ZSWIM6: variants seen among roughly 807,000 people sequenced by gnomAD.
The protein encoded by ZSWIM6 is zinc finger SWIM domain-containing protein 6.
A neutral mutation model predicts 113.2 loss-of-function variants in ZSWIM6; 9 were observed. The ratio of observed to expected loss-of-function variants is 0.08; its 90% CI spans 0.05 to 0.14. ZSWIM6 has a LOEUF of 0.14. Ranked by LOEUF, ZSWIM6 falls within the 10% of genes least tolerant of loss-of-function variation. The probability of loss-of-function intolerance (pLI) is 1.00; values close to 1 mark genes in which losing one functional copy is unlikely to be tolerated. For synonymous variants in ZSWIM6, 611 were observed against 606.5 expected (o/e 1.01, Z -0.11); for missense variants, 1,162 against 1,552.2 (o/e 0.75, Z 4.22).
chr5:61,384,247 C>CAAA (rs57899277), intron 1 of ZSWIM6, among the ~76,000 whole-genome samples: 3 of 77,470 alleles, frequency 3.9e-5, no homozygotes, highest in Non-Finnish European at 5.6e-5. Flanking sequence ...GACTCCGTCT[C>CAAA]AAAAAAAAAA....
intron 1 of ZSWIM6, among the ~76,000 whole-genome samples, chr5:61,444,518 G>A (rs551290854): frequency 2.6e-4 from 40 of 152,110 alleles, no homozygotes; most frequent in African/African-American, 9.2e-4. Flanking sequence ...CTGAGAAATC[G>A]CCACACTGAC....
chr5:61,404,983 T>C (rs749621905), intron 1 of ZSWIM6, among the ~76,000 whole-genome samples: 4 of 152,186 alleles, frequency 2.6e-5, no homozygotes, highest in Non-Finnish European at 5.9e-5. Flanking sequence ...TCCTAAGTTA[T>C]AGGAGTCAAT....
chr5:61,458,173 T>G (rs1747245385), intron 1 of ZSWIM6, among the ~76,000 whole-genome samples: 1 of 152,216 alleles, frequency 6.6e-6, no homozygotes, highest in Non-Finnish European at 1.5e-5. Context: ...CTAAATGACT[T>G]GAAATATACC....
intron 1 of ZSWIM6, among the ~76,000 whole-genome samples, chr5:61,405,504 A>T (rs998642209): frequency 2.0e-5 from 3 of 152,202 alleles, no homozygotes; most frequent in Admixed American, 2.0e-4. Context: ...TCCTCAGAGG[A>T]GGAAGAAATT....
chr5:61,377,019 G>T (rs1235679553), intron 1 of ZSWIM6, among the ~76,000 whole-genome samples: 4 of 104,000 alleles, frequency 3.8e-5, no homozygotes, highest in Non-Finnish European at 7.2e-5. Context: ...CTTAGTAAAT[G>T]TAATGTTTAA....
chr5:61,539,337 T>C (rs1489516678), intron 11 of ZSWIM6, among the ~76,000 whole-genome samples: 48 of 152,242 alleles, frequency 3.2e-4, no homozygotes, highest in Admixed American at 3.1e-3. Context: ...TCATATGTGC[T>C]TTGAGTCATT....
At chr5:61,524,635 CTCT>C (rs931562411) in intron 5 of ZSWIM6, among the ~76,000 whole-genome samples, 1 of 152,186 alleles carries the variant, frequency 6.6e-6, no homozygotes, top group African/African-American at 2.4e-5. Context: ...GTTCTCCAGT[CTCT>C]TCTTCTCAAT....
At chr5:61,478,475 AAAAT>A (rs1162805513) in intron 2 of ZSWIM6, among the ~76,000 whole-genome samples, 7 of 152,198 alleles carry the variant, frequency 4.6e-5, no homozygotes, top group Admixed American at 6.5e-5. Context: ...ATGAAGTTTT[AAAAT>A]AAATAATTCA....
chr5:61,445,100 A>G (rs1252884335), intron 1 of ZSWIM6, among the ~76,000 whole-genome samples: 1 of 152,308 alleles, frequency 6.6e-6, no homozygotes, highest in Non-Finnish European at 1.5e-5. Flanking sequence ...AAAATAGTTT[A>G]TGCAATACTC....
chr5:61,490,737 CAG>C, intron 2 of ZSWIM6, 47 bp from the exon 3 acceptor site: 1 of 1,520,996 alleles, frequency 6.6e-7, no homozygotes, highest in Non-Finnish European at 8.8e-7. Flanking sequence ...CCTTTTAGCA[CAG>C]AGTTTTTATC....
At position 61,332,454 on chromosome 5, in the gene ZSWIM6, C is replaced by A; in HGVS notation, c.182C>A (p.Ala61Glu). ...AAAAAACGGG[A>E]ALGLLPPGKT... is the part of the protein sequence containing the mutation. ...GCGGCGGCGGCGTGCGGGGGCGGCG[C>A]GGCGCTGGGGTTGCTGCCGCCGGGC... Residue 61 changes from alanine to glutamate, a missense_variant, in exon 1 of 14, where the codon GCG becomes GAG. Coordinates refer to ENST00000252744, the MANE Select transcript of ZSWIM6 (RefSeq NM_020928.2). 9.7e-7 allele frequency: 1 copy of A among 1,034,538 alleles called. No homozygotes were observed. The highest frequency in any genetic ancestry group is 8.0e-5 in the East Asian group (1 of 12,542). 64.1% of individuals were successfully genotyped at this position (1,034,538 alleles called of 1,614,324 possible).
intron 1 of ZSWIM6, among the ~76,000 whole-genome samples, chr5:61,340,194 G>A (rs372266184): frequency 6.6e-5 from 10 of 152,162 alleles, no homozygotes; most frequent in South Asian, 4.2e-4. Context: ...GAGACAATAC[G>A]GTGCAAAATT....
At chr5:61,430,303 T>C (rs1469188262) in intron 1 of ZSWIM6, among the ~76,000 whole-genome samples, 2 of 152,218 alleles carry the variant, frequency 1.3e-5, no homozygotes, top group African/African-American at 2.4e-5. Context: ...ATTTTCCATT[T>C]TGGAGTTTGT....
At chr5:61,537,962 AG>A (rs1749624399) in intron 10 of ZSWIM6, among the ~76,000 whole-genome samples, 1 of 152,162 alleles carries the variant, frequency 6.6e-6, no homozygotes, top group Non-Finnish European at 1.5e-5. Context: ...GTTTTGAGAC[AG>A]GGTTTTGCTC....
chr5:61,494,556 G>A (rs1350084201), intron 4 of ZSWIM6, 146 bp downstream of exon 4: 21 of 1,116,844 alleles, frequency 1.9e-5, no homozygotes, highest in African/African-American at 4.7e-5. Context: ...TAGAAGCATA[G>A]GAGGATTTAG....
At chr5:61,364,574 G>A (rs13169711) in intron 1 of ZSWIM6, among the ~76,000 whole-genome samples, 89,448 of 152,052 alleles carry the variant, frequency 0.59, 28,940 homozygotes, top group African/African-American at 0.86. Flanking sequence ...TGGGGCTACT[G>A]TAGCAAGATA....
At chr5:61,452,295 A>G (rs1747100825) in intron 1 of ZSWIM6, among the ~76,000 whole-genome samples, 1 of 152,170 alleles carries the variant, frequency 6.6e-6, no homozygotes, top group Admixed American at 6.5e-5. Context: ...ATAGTATTCT[A>G]TATGAATATA....
Position 61,545,265 on chromosome 5 carries a change from A to G in ZSWIM6, c.*948A>G, listed in dbSNP as rs932038166. 1 of 151,712 alleles carries G rather than the reference A, an allele frequency of 6.6e-6. No individual in the cohort carries two copies. Among genetic ancestry groups the G allele is most frequent in the Non-Finnish European group, 1.5e-5 (1 of 67,962 alleles). 9.4% of individuals were successfully genotyped at this position (151,712 alleles called of 1,614,324 possible). ...ATATTTATACAACTTATGTATACAT[A>G]TATATATGTATACACACAGACACAC... On this transcript the variant is annotated 3_prime_UTR_variant, in exon 14 of 14. Coordinates refer to ENST00000252744, the MANE Select transcript of ZSWIM6 (RefSeq NM_020928.2).
At chr5:61,492,551 G>T (rs779022707) in intron 3 of ZSWIM6, among the ~76,000 whole-genome samples, 1 of 152,058 alleles carries the variant, frequency 6.6e-6, no homozygotes, top group Non-Finnish European at 1.5e-5. Context: ...CATGGTTGTT[G>T]TGAAAATTAA....
Sources: gnomAD v4.1 joint callset for allele counts (sites outside exome capture counted in the v4.1 genomes callset) on GRCh38, gnomAD v4.1.1 for gene constraint, MANE v1.5 for transcripts, NCBI Gene and HGNC (gene_info 2026-07-23, HGNC 2026-07-21) for gene names.